Variants in CCM2 observed in about 807,000 individuals in gnomAD.
The protein encoded by CCM2 is CCM2 scaffold protein, also known as cerebral cavernous malformations 2 protein.
Under a neutral mutation model 44.9 loss-of-function variants are expected in CCM2, and 25 were observed. The ratio of observed to expected loss-of-function variants is 0.56; its 90% CI spans 0.41 to 0.78. The LOEUF (loss-of-function observed/expected upper bound fraction) is 0.78. Ranked by LOEUF, CCM2 falls within the 30% of genes least tolerant of loss-of-function variation. CCM2 has a pLI of 0.00. For synonymous variants in CCM2, 219 were observed against 241.1 expected, an observed-to-expected ratio of 0.91 and a Z score of 0.85; for missense variants, 481 against 580.6, an observed-to-expected ratio of 0.83 and a Z score of 1.76.
chr7:45,014,725 G>A (rs977513258), intron 1 of CCM2, among the ~76,000 whole-genome samples: 2 of 150,778 alleles, frequency 1.3e-5, no homozygotes, highest in Admixed American at 1.3e-4. Flanking sequence ...GGGTTTAAGC[G>A]ATTCTCCTGC....
At chr7:45,023,710 A>ATTACTGGG (rs897434689) in intron 1 of CCM2, among the ~76,000 whole-genome samples, 8 of 135,302 alleles carry the variant, frequency 5.9e-5, no homozygotes, top group Non-Finnish European at 1.1e-4. Context: ...AGGCAGTGAG[A>ATTACTGGG]TTACTGGGAA....
In CCM2 at chr7:45,074,269, G is replaced by A; in HGVS notation, c.916-1G>A. On this transcript the variant is annotated splice_acceptor_variant, in intron 8 of 9. Coordinates refer to ENST00000258781, the MANE Select transcript of CCM2 (RefSeq NM_031443.4). LOFTEE classifies it high-confidence loss of function. Reference sequence around the variant, plus strand: ...CCCTATCTGGCTCTGCTCTCTTGCAGCTGCGCACCAAGCTGTCATCACAGG... The same window carrying A: ...CCCTATCTGGCTCTGCTCTCTTGCAACTGCGCACCAAGCTGTCATCACAGG... 2 of 1,613,546 alleles carry A rather than the reference G, an allele frequency of 1.2e-6. No homozygotes were observed. Among genetic ancestry groups the A allele is most frequent in the Non-Finnish European group, 1.7e-6 (2 of 1,180,026 alleles).
chr7:45,000,925 T>A (rs765413088), intron 1 of CCM2, among the ~76,000 whole-genome samples: 1 of 152,260 alleles, frequency 6.6e-6, no homozygotes, highest in Non-Finnish European at 1.5e-5. Context: ...AATGTGGCTT[T>A]AATTACAGTA....
chr7:45,065,160 G>A (rs1798713395), intron 4 of CCM2, among the ~76,000 whole-genome samples: 1 of 45,506 alleles, frequency 2.2e-5, no homozygotes, highest in African/African-American at 1.4e-4. Flanking sequence ...ATAGAATTGG[G>A]CAGAATTGGG....
chr7:45,075,882 G>A lies in CCM2; in HGVS notation c.1160G>A (p.Arg387Lys), dbSNP rs1554380938. 6.2e-7 allele frequency: 1 copy of A among 1,613,292 alleles called. No homozygotes were observed. The highest frequency in any genetic ancestry group is 8.5e-7 in the Non-Finnish European group (1 of 1,180,034). ...GGCATCATCACTGACAGCTTTGGCAGGCACCGGCGGGCCCTGAGCACCACA... is the reference window on the plus strand; with the variant it reads ...GGCATCATCACTGACAGCTTTGGCAAGCACCGGCGGGCCCTGAGCACCACA... ...GRGIITDSFG[R>K]HRRALSTTSS... The change falls in exon 10 of 10, where the codon AGG becomes AAG. Residue 387 changes from arginine (R) to lysine (K), a missense_variant. Physicochemically the swap from Arg to Lys is conservative, Grantham distance 26. Coordinates refer to ENST00000258781, the MANE Select transcript of CCM2 (RefSeq NM_031443.4).
At chr7:45,059,432 A>G (rs954993435) in intron 2 of CCM2, among the ~76,000 whole-genome samples, 1 of 112,960 alleles carries the variant, frequency 8.9e-6, no homozygotes, top group African/African-American at 2.7e-5. Flanking sequence ...AAAAAAAAAA[A>G]GAAAGAAAGA....
intron 1 of CCM2, among the ~76,000 whole-genome samples, chr7:45,030,898 A>G (rs1353421625): frequency 2.0e-5 from 3 of 151,436 alleles, no homozygotes; most frequent in African/African-American, 7.3e-5. Flanking sequence ...TAATTTTTGT[A>G]TTTTTAGTAG....
intron 2 of CCM2, among the ~76,000 whole-genome samples, chr7:45,052,469 C>G (rs1465045868): frequency 1.3e-5 from 2 of 152,168 alleles, no homozygotes; most frequent in Non-Finnish European, 2.9e-5. Flanking sequence ...GGCTTCAGAA[C>G]AGGTCCGCTG....
chr7:45,010,567 G>C (rs1796026958), intron 1 of CCM2, among the ~76,000 whole-genome samples: 1 of 151,922 alleles, frequency 6.6e-6, no homozygotes, highest in Non-Finnish European at 1.5e-5. Context: ...TTCATTTGTT[G>C]GAGATTTAGT....
intron 2 of CCM2, among the ~76,000 whole-genome samples, chr7:45,042,146 C>T (rs986339575): frequency 6.6e-5 from 10 of 151,496 alleles, no homozygotes; most frequent in African/African-American, 2.4e-4. Context: ...TGGTGGCACA[C>T]GCCTGTAATC....
At chr7:45,065,319 C>T (rs1198125371) in intron 4 of CCM2, among the ~76,000 whole-genome samples, 1 of 152,214 alleles carries the variant, frequency 6.6e-6, no homozygotes, top group Non-Finnish European at 1.5e-5. Context: ...GTTCGCCCTA[C>T]CTGTATTTTG....
intron 2 of CCM2, among the ~76,000 whole-genome samples, chr7:45,050,109 A>G (rs1248148263): frequency 6.6e-6 from 1 of 152,352 alleles, no homozygotes; most frequent in East Asian, 1.9e-4. Context: ...ATTGTAGCAC[A>G]ACGCATCACC....
chr7:45,019,416 C>CT (rs1425045890), intron 1 of CCM2, among the ~76,000 whole-genome samples: 1 of 152,070 alleles, frequency 6.6e-6, no homozygotes, highest in Admixed American at 6.6e-5. Context: ...TGTCCTTACT[C>CT]TTAGGGTAAA....
At chr7:45,053,288 C>T (rs1453996698) in intron 2 of CCM2, among the ~76,000 whole-genome samples, 2 of 152,182 alleles carry the variant, frequency 1.3e-5, no homozygotes, top group South Asian at 2.1e-4. Context: ...TGTTGCAGGT[C>T]GACTCCCACG....
intron 1 of CCM2, among the ~76,000 whole-genome samples, chr7:45,032,551 G>A (rs1183750799): frequency 1.3e-5 from 2 of 152,206 alleles, no homozygotes; most frequent in Non-Finnish European, 2.9e-5. Flanking sequence ...TGTTTTTACT[G>A]TGGATTTAAT....
At chr7:44,999,929 C>T (rs971523241), upstream of CCM2, 2 of 300,840 alleles carry the variant, frequency 6.6e-6, no homozygotes, top group Non-Finnish European at 1.4e-5. Context: ...GGACGCGGGG[C>T]GGGGTGGGGG....
At chr7:45,005,644 G>C (rs766817842) in intron 1 of CCM2, among the ~76,000 whole-genome samples, 2 of 152,220 alleles carry the variant, frequency 1.3e-5, no homozygotes, top group African/African-American at 2.4e-5. Flanking sequence ...ACGTGGTGGC[G>C]ATACAAGTTT....
intron 1 of CCM2, among the ~76,000 whole-genome samples, chr7:45,008,076 T>A (rs1297957679): frequency 2.0e-5 from 3 of 148,242 alleles, no homozygotes; most frequent in East Asian, 3.9e-4. Context: ...GGAGTCTTGC[T>A]CTGCTGCCCA....
intron 3 of CCM2, 44 bp downstream of exon 3, chr7:45,064,045 A>G: frequency 7.2e-7 from 1 of 1,379,858 alleles, no homozygotes; most frequent in African/African-American, 1.4e-5. Context: ...CTCAGCCCCC[A>G]CCAGCCCTTG....
Sources: allele counts gnomAD v4.1 joint callset (sites outside exome capture counted in the v4.1 genomes callset), GRCh38; gene constraint gnomAD v4.1.1; transcripts MANE v1.5; gene names NCBI Gene and HGNC (gene_info 2026-07-23, HGNC 2026-07-21).